Variants in EXOC2 observed in about 807,000 individuals in gnomAD.
EXOC2 encodes the protein SEC5-like 1.
EXOC2 carries 70 observed loss-of-function variants against 131.8 expected under a neutral mutation model. The ratio of observed to expected loss-of-function variants is 0.53; its 90% confidence interval spans 0.44 to 0.65. The LOEUF (loss-of-function observed/expected upper bound fraction) is 0.65, where lower values mean the gene tolerates loss of function less well. Among genes scored for constraint, EXOC2 ranks in the 30% least tolerant of loss-of-function variants. The pLI is 0.00. For missense variants in EXOC2, 923 were observed against 1,108.6 expected (o/e 0.83, Z 2.38); for synonymous variants, 411 against 398.4 (o/e 1.03, Z -0.38).
intron 1 of EXOC2, among the ~76,000 whole-genome samples, chr6:673,865 T>C (rs1763988724): frequency 6.6e-6 from 1 of 152,076 alleles, no homozygotes; most frequent in South Asian, 2.1e-4. Flanking sequence ...GTTGGAAAAA[T>C]GATGCTGAGA....
In EXOC2 at chr6:489,043, AACAC is replaced by A. The variant is rs752589674; in HGVS notation, c.2622-9_2622-6del. The A allele has an allele frequency of 1.2e-6, 2 of 1,613,890 alleles. No individual in the cohort carries two copies. The highest frequency in any genetic ancestry group is 1.7e-6 in the Non-Finnish European group (2 of 1,179,856). ...AAAGCCTGCTTAAAACTTGACCTGA[AACAC>A]AAACAGCCACACTGAAGTTGAAGCC... On this transcript the variant is annotated splice_region_variant and splice_polypyrimidine_tract_variant and intron_variant, in intron 26 of 27. Transcript: ENST00000230449.
At chr6:660,884 T>C (rs1474853335) in intron 1 of EXOC2, among the ~76,000 whole-genome samples, 1 of 151,948 alleles carries the variant, frequency 6.6e-6, no homozygotes, top group Non-Finnish European at 1.5e-5. Flanking sequence ...CGGAGCCCAA[T>C]GCAAGGAAAT....
chr6:489,546 TA>T (rs772411671), intron 26 of EXOC2, among the ~76,000 whole-genome samples: 2 of 152,210 alleles, frequency 1.3e-5, no homozygotes, highest in Non-Finnish European at 2.9e-5. Context: ...ATAGATGCTT[TA>T]AAAATTCAAT....
chr6:637,890 G>A, intron 1 of EXOC2, 29 bp from the exon 2 acceptor site: 1 of 1,355,466 alleles, frequency 7.4e-7, no homozygotes, highest in Non-Finnish European at 1.0e-6. Context: ...AAAAGGATTA[G>A]TACCAACTGA....
chr6:674,076 G>A (rs551132917), intron 1 of EXOC2, among the ~76,000 whole-genome samples: 107 of 152,194 alleles, frequency 7.0e-4, no homozygotes, highest in African/African-American at 2.5e-3. Flanking sequence ...TTTATATTAC[G>A]ATGCTTGGTT....
At chr6:502,087 A>G (rs543496433) in intron 23 of EXOC2, among the ~76,000 whole-genome samples, 1 of 152,270 alleles carries the variant, frequency 6.6e-6, no homozygotes, top group East Asian at 1.9e-4. Context: ...GGAGATCCAC[A>G]TGCTCAGGTC....
chr6:618,567 T>A (rs1005724410), intron 5 of EXOC2, among the ~76,000 whole-genome samples: 1 of 152,226 alleles, frequency 6.6e-6, no homozygotes, highest in Admixed American at 6.5e-5. Flanking sequence ...ATCAGAATCA[T>A]CTTCTACAAT....
At chr6:488,640 ACTT>A (rs1763236957) in intron 27 of EXOC2, among the ~76,000 whole-genome samples, 5 of 152,094 alleles carry the variant, frequency 3.3e-5, no homozygotes, top group South Asian at 2.1e-4. Flanking sequence ...TTTTTCCATT[ACTT>A]CTTATGTATG....
chr6:605,353 A>G (rs1410196952), intron 7 of EXOC2, among the ~76,000 whole-genome samples: 1 of 152,228 alleles, frequency 6.6e-6, no homozygotes, highest in Admixed American at 6.5e-5. Flanking sequence ...AATGAATAAC[A>G]ATTTTTTAAA....
At chr6:619,627 AC>A in intron 4 of EXOC2, 84 bp from the exon 5 acceptor site, 1 of 769,376 alleles carries the variant, frequency 1.3e-6, no homozygotes, top group South Asian at 1.6e-5. Context: ...CCAGTATAAC[AC>A]ATATGAATAC....
chr6:690,328 C>T (rs955300925), intron 1 of EXOC2, among the ~76,000 whole-genome samples: 5 of 152,142 alleles, frequency 3.3e-5, no homozygotes, highest in South Asian at 2.1e-4. Flanking sequence ...TGCACTCTAG[C>T]CTGGGTGACA....
chr6:642,294 G>A (rs754313748), intron 1 of EXOC2, among the ~76,000 whole-genome samples: 10 of 152,048 alleles, frequency 6.6e-5, no homozygotes, highest in Non-Finnish European at 1.2e-4. Flanking sequence ...TTTCTTCTTT[G>A]AAAACACATC....
At chr6:622,958 G>C (rs1258360892) in intron 4 of EXOC2, among the ~76,000 whole-genome samples, 2 of 152,184 alleles carry the variant, frequency 1.3e-5, no homozygotes, top group African/African-American at 4.8e-5. Flanking sequence ...TCTAGTGGAG[G>C]GCTCCAGGAG....
chr6:682,356 C>T (rs943736013), intron 1 of EXOC2, among the ~76,000 whole-genome samples: 21 of 151,976 alleles, frequency 1.4e-4, no homozygotes, highest in African/African-American at 4.8e-4. Context: ...ACCACTACCA[C>T]GCCCGGCTAA....
chr6:618,369 C>G (rs975024785), intron 5 of EXOC2, among the ~76,000 whole-genome samples: 9 of 152,148 alleles, frequency 5.9e-5, no homozygotes, highest in African/African-American at 1.7e-4. Flanking sequence ...AGGAAGACCA[C>G]AATATCTCAT....
chr6:673,291 A>AAAAAAAAAAAAAAC (rs1763960300), intron 1 of EXOC2, among the ~76,000 whole-genome samples: 1 of 144,010 alleles, frequency 6.9e-6, no homozygotes, highest in Non-Finnish European at 1.5e-5. Context: ...AAAAAAAAAA[A>AAAAAAAAAAAAAAC]TTCACATTTA....
At chr6:648,493 A>G (rs1414315711) in intron 1 of EXOC2, among the ~76,000 whole-genome samples, 1 of 152,216 alleles carries the variant, frequency 6.6e-6, no homozygotes, top group Non-Finnish European at 1.5e-5. Flanking sequence ...TCCAATTGCC[A>G]TAAAACAATG....
intron 17 of EXOC2, among the ~76,000 whole-genome samples, chr6:562,139 C>G (rs1439643763): frequency 6.6e-6 from 1 of 152,338 alleles, no homozygotes; most frequent in East Asian, 1.9e-4. Context: ...TGGGCACTGA[C>G]TGTGTGACCA....
intron 16 of EXOC2, 99 bp downstream of exon 16, chr6:563,934 A>G (rs891121572): frequency 1.3e-6 from 2 of 1,481,920 alleles, no homozygotes; most frequent in African/African-American, 1.4e-5. Flanking sequence ...TTTCCAGAAG[A>G]GTAATTTTCC....
Sources: gnomAD v4.1 joint callset for allele counts (sites outside exome capture counted in the v4.1 genomes callset) on GRCh38, gnomAD v4.1.1 for gene constraint, MANE v1.5 for transcripts, NCBI Gene and HGNC (gene_info 2026-07-23, HGNC 2026-07-21) for gene names.